LYRM4: variants seen among roughly 807,000 people sequenced by gnomAD.
LYRM4 encodes LYR motif-containing protein 4.
In LYRM4, 9 loss-of-function variants were observed where a neutral mutation model predicts 11.7. The observed-to-expected ratio is 0.77, with a 90% CI of 0.46 to 1.34. The LOEUF is 1.34. Ranked by LOEUF, LYRM4 falls within the 40% of genes most tolerant of loss-of-function variation. The pLI is 0.00. For synonymous variants in LYRM4, 42 were observed against 40.4 expected, an observed-to-expected ratio of 1.04 and a Z score of -0.15; for missense variants, 133 against 112.5, an observed-to-expected ratio of 1.18 and a Z score of -0.82.
chr6:5,109,770 G>C (rs1022085207), intron 2 of LYRM4, among the ~76,000 whole-genome samples: 9 of 152,226 alleles, frequency 5.9e-5, no homozygotes, highest in Admixed American at 6.5e-5. Flanking sequence ...TGAGCTGGGT[G>C]ACGCCTGCCT....
chr6:5,095,132 T>C, the LYRM4 span, among the ~76,000 whole-genome samples: 1 of 152,150 alleles, frequency 6.6e-6, no homozygotes. Flanking sequence ...AGATTTAAAA[T>C]AAAAGTGATC....
intron 1 of LYRM4, among the ~76,000 whole-genome samples, chr6:5,231,730 TACA>T (rs1763254424): frequency 6.6e-6 from 1 of 152,220 alleles, no homozygotes. Flanking sequence ...AGACCCGGAA[TACA>T]ATACCACGCA....
chr6:5,066,761 G>GT, the LYRM4 span: 1 of 744,610 alleles, frequency 1.3e-6, no homozygotes, highest in Non-Finnish European at 2.4e-6. Flanking sequence ...GATTGGTTAC[G>GT]TAACGCTTAA....
At chr6:5,202,868 C>G (rs982673002) in intron 2 of LYRM4, among the ~76,000 whole-genome samples, 2 of 152,184 alleles carry the variant, frequency 1.3e-5, no homozygotes, top group African/African-American at 4.8e-5. Context: ...TTTGTGGAAT[C>G]TAGTCCTTTA....
chr6:5,096,915 A>T, the LYRM4 span, among the ~76,000 whole-genome samples: 1 of 150,030 alleles, frequency 6.7e-6, no homozygotes, highest in Admixed American at 6.7e-5. Flanking sequence ...TGGGAGAACA[A>T]ATGATAGTAG....
chr6:5,201,091 T>C (rs375707567), intron 2 of LYRM4, among the ~76,000 whole-genome samples: 2 of 152,164 alleles, frequency 1.3e-5, no homozygotes, highest in Non-Finnish European at 2.9e-5. Flanking sequence ...TTCCAAATAT[T>C]ACAAGTGCTT....
At chr6:5,088,944 A>G in the LYRM4 span, 1 of 152,236 alleles carries the variant, frequency 6.6e-6, no homozygotes. Flanking sequence ...AAGCTGCCAG[A>G]TATTTCTCTG....
chr6:5,068,806 T>C, the LYRM4 span, among the ~76,000 whole-genome samples: 1 of 152,164 alleles, frequency 6.6e-6, no homozygotes, highest in Admixed American at 6.5e-5. The surrounding 1 kb of genome is among the most constrained non-coding windows in gnomAD (Gnocchi z 4.0). Flanking sequence ...TTTAAAAAAA[T>C]GAGTTATCCA....
chr6:5,118,799 C>T (rs183820716), intron 2 of LYRM4, among the ~76,000 whole-genome samples: 1 of 152,146 alleles, frequency 6.6e-6, no homozygotes. Flanking sequence ...TATTGTGAAA[C>T]CCAAACTTAC....
the LYRM4 span, chr6:5,054,276 C>CG: frequency 1.7e-5 from 3 of 176,568 alleles, no homozygotes; most frequent in African/African-American, 2.4e-5. Flanking sequence ...GTCCCAACAA[C>CG]TCTGAGAGGT....
intron 2 of LYRM4, among the ~76,000 whole-genome samples, chr6:5,123,027 C>T (rs1763530481): frequency 6.6e-6 from 1 of 152,200 alleles, no homozygotes; most frequent in Non-Finnish European, 1.5e-5. Flanking sequence ...ATGTCACAGG[C>T]TAACGATATT....
the LYRM4 span, among the ~76,000 whole-genome samples, chr6:5,074,577 C>T: frequency 6.6e-6 from 1 of 150,932 alleles, no homozygotes; most frequent in Non-Finnish European, 1.5e-5. Context: ...TGGGTTGTGG[C>T]AATTTCATGA....
intron 2 of LYRM4, among the ~76,000 whole-genome samples, chr6:5,191,819 C>G (rs1002813238): frequency 1.2e-4 from 18 of 152,160 alleles, no homozygotes; most frequent in Admixed American, 9.2e-4. Context: ...TCAAACTCAG[C>G]ATGAACCAAT....
chr6:5,141,211 G>A (rs183323300), intron 2 of LYRM4, among the ~76,000 whole-genome samples: 1 of 152,164 alleles, frequency 6.6e-6, no homozygotes, highest in Non-Finnish European at 1.5e-5. Flanking sequence ...ATGTCTCAGG[G>A]TCCTCATGCT....
At chr6:5,210,795 T>C (rs928403103) in intron 2 of LYRM4, among the ~76,000 whole-genome samples, 1 of 152,220 alleles carries the variant, frequency 6.6e-6, no homozygotes, top group Non-Finnish European at 1.5e-5. Flanking sequence ...TTATTTCATT[T>C]AGTGTTAAGT....
chr6:5,122,180 C>T (rs932537441), intron 2 of LYRM4, among the ~76,000 whole-genome samples: 17 of 152,186 alleles, frequency 1.1e-4, no homozygotes, highest in East Asian at 1.9e-4. Context: ...TAAAGATGGA[C>T]GGCCTCCCTG....
intron 1 of LYRM4, among the ~76,000 whole-genome samples, chr6:5,243,109 C>A (rs984755178): frequency 6.6e-6 from 1 of 152,314 alleles, no homozygotes; most frequent in Non-Finnish European, 1.5e-5. Flanking sequence ...TATAGCAGGG[C>A]TGGGAGAATT....
At chr6:5,050,718 A>G in the LYRM4 span, among the ~76,000 whole-genome samples, 10,345 of 152,218 alleles carry the variant, frequency 0.068, 1,141 homozygotes, top group African/African-American at 0.23. Flanking sequence ...TGGCAGACAG[A>G]CACCCTACCA....
chr6:5,077,866 C>T, the LYRM4 span, among the ~76,000 whole-genome samples: 1 of 152,114 alleles, frequency 6.6e-6, no homozygotes, highest in African/African-American at 2.4e-5. Context: ...TCTTTAGAAG[C>T]AAAATCCATT....
Sources: allele counts gnomAD v4.1 joint callset (sites outside exome capture counted in the v4.1 genomes callset), GRCh38; gene constraint gnomAD v4.1.1; non-coding constraint Gnocchi (gnomAD v3.1); transcripts MANE v1.5; gene names NCBI Gene and HGNC (gene_info 2026-07-23, HGNC 2026-07-21).